Variants in SLC38A6 observed in about 807,000 individuals in gnomAD.
SLC38A6 encodes the protein N system amino acid transporter NAT-1.
In SLC38A6, 73 loss-of-function variants were observed where a neutral mutation model predicts 65.0. The ratio of observed to expected loss-of-function variants is 1.12; its 90% CI spans 0.93 to 1.37. The LOEUF is 1.37. Among genes scored for constraint, SLC38A6 ranks in the 40% most tolerant of loss-of-function variants. SLC38A6 has a pLI of 0.00. For synonymous variants in SLC38A6, 183 were observed against 178.8 expected (o/e 1.02, Z -0.19); for missense variants, 561 against 531.1 (o/e 1.06, Z -0.55).
At chr14:61,012,062 C>T (rs1158924558) in intron 3 of SLC38A6, among the ~76,000 whole-genome samples, 1 of 152,116 alleles carries the variant, frequency 6.6e-6, no homozygotes, top group Admixed American at 6.5e-5. Flanking sequence ...AATTTCAGAG[C>T]CTGTTATTGG....
chr14:61,046,977 G>A (rs148275957), intron 12 of SLC38A6, among the ~76,000 whole-genome samples: 3 of 151,926 alleles, frequency 2.0e-5, no homozygotes, highest in African/African-American at 7.2e-5. Context: ...TTGGATGTTG[G>A]GTTTGTTAGT....
chr14:61,083,548 AG>A (rs1347248937), intron 16 of SLC38A6: 4 of 1,548,298 alleles, frequency 2.6e-6, no homozygotes, highest in Middle Eastern at 1.7e-4. Context: ...TGTTCTTGTA[AG>A]AAAAGGAAGA....
At chr14:61,078,190 G>A (rs2043495525) in intron 15 of SLC38A6, among the ~76,000 whole-genome samples, 1 of 152,192 alleles carries the variant, frequency 6.6e-6, no homozygotes, top group South Asian at 2.1e-4. Context: ...TGAGTAATAT[G>A]AACATTAAAA....
At position 60,984,760 on chromosome 14, in the gene SLC38A6, T is replaced by G. The variant is rs747708193; in HGVS notation, c.267T>G (p.Ala89=). Residue 89 remains alanine (A), a synonymous_variant, in exon 3 of 16, where the codon GCT becomes GCG. Coordinates refer to ENST00000267488, the MANE Select transcript of SLC38A6 (RefSeq NM_153811.3). ...SFLLLTVALL[A]SYSVHLLLSM... is the part of the protein sequence containing the mutation. The stretch of plus-strand genomic sequence containing the variant: ...TGCTGCTGACAGTTGCTCTCCTGGC[T>G]TCTTACTCAGTCCATCTTCTGCTTA... The G allele has an allele frequency of 1.4e-5, 23 of 1,613,930 alleles. No homozygotes were observed. In the South Asian group the frequency reaches 2.3e-4, roughly 16 times the overall value.
chr14:61,075,744 C>G (rs1221943392), intron 15 of SLC38A6, among the ~76,000 whole-genome samples: 1 of 148,668 alleles, frequency 6.7e-6, no homozygotes, highest in East Asian at 2.0e-4. Flanking sequence ...GTTCAGAAAT[C>G]AGGCTCCAAG....
chr14:61,045,481 G>C (rs2042082982), intron 11 of SLC38A6, 56 bp downstream of exon 11: 2 of 1,311,936 alleles, frequency 1.5e-6, no homozygotes, highest in South Asian at 1.2e-5. Flanking sequence ...TACCTCTAAG[G>C]CTTTCGGATT....
At chr14:61,072,449 T>C (rs995215930) in intron 15 of SLC38A6, among the ~76,000 whole-genome samples, 1 of 152,162 alleles carries the variant, frequency 6.6e-6, no homozygotes, top group African/African-American at 2.4e-5. Context: ...CATCCTGTTA[T>C]GCTATCAAAT....
intron 5 of SLC38A6, among the ~76,000 whole-genome samples, chr14:61,020,041 C>G (rs965727700): frequency 1.3e-5 from 2 of 152,082 alleles, no homozygotes; most frequent in African/African-American, 4.8e-5. Context: ...TGGTTTAAAA[C>G]ATAAATAAAT....
chr14:61,044,434 A>G (rs984305945), intron 10 of SLC38A6, among the ~76,000 whole-genome samples: 5 of 152,228 alleles, frequency 3.3e-5, no homozygotes, highest in Admixed American at 1.3e-4. Context: ...TGAGCAATAT[A>G]TGAAATGGAG....
chr14:60,987,990 ATC>A (rs887448507), intron 3 of SLC38A6, among the ~76,000 whole-genome samples: 2 of 152,186 alleles, frequency 1.3e-5, no homozygotes, highest in Admixed American at 1.3e-4. Context: ...TATGGCTGTC[ATC>A]TGTTTCTGAC....
intron 3 of SLC38A6, among the ~76,000 whole-genome samples, chr14:60,992,871 G>C (rs966943585): frequency 6.7e-6 from 1 of 149,208 alleles, no homozygotes; most frequent in Non-Finnish European, 1.5e-5. Context: ...TTTTTTTGAG[G>C]CAGTCTTGCT....
chr14:60,984,625 G>A (rs1368277264), intron 2 of SLC38A6, 105 bp from the exon 3 acceptor site: 1 of 850,934 alleles, frequency 1.2e-6, no homozygotes, highest in Non-Finnish European at 2.0e-6. Flanking sequence ...CTCAGAGATA[G>A]TTCCTGTGAA....
rs777446831 is a variant in SLC38A6 at position 61,043,137 on chromosome 14, A to T, written c.625-10A>T. On this transcript the variant is annotated splice_polypyrimidine_tract_variant and intron_variant, in intron 8 of 15. Transcript: ENST00000267488. ...AATGATCTGAGTGCTGATTCTGTTT[A>T]CTTTTTTAGGTAATAATTAAAAAAT... 6.7e-7 allele frequency: 1 copy of T among 1,490,304 alleles called. No individual in the cohort carries two copies. The allele number at this position is 1,490,304 out of a possible 1,614,324, so 92.3% of individuals were successfully genotyped here. A position where few individuals can be genotyped will look rare whatever the true frequency, so the allele number is the denominator to read the frequency against.
intron 5 of SLC38A6, among the ~76,000 whole-genome samples, chr14:61,027,256 T>C (rs1189028772): frequency 5.3e-5 from 8 of 152,178 alleles, no homozygotes; most frequent in Non-Finnish European, 1.2e-4. Flanking sequence ...TGATTTATAA[T>C]GGCTGAATAC....
chr14:61,010,673 G>A lies in SLC38A6; in HGVS notation c.311-5231G>A, dbSNP rs1025444573. 3.7e-4 allele frequency among the ~76,000 whole-genome samples: 57 copies of A among 152,186 alleles called. 1 individual carries two copies. The highest frequency in any genetic ancestry group is 1.8e-4 in the Non-Finnish European group (12 of 68,036). ...CCCATTTCCTGTTTTTCTCAGGTTT[G>A]TCAAAGTTCAGATAGTTGTAGATAT... On this transcript the variant is annotated intron_variant, in intron 3 of 15. Transcript: ENST00000267488.
intron 6 of SLC38A6, among the ~76,000 whole-genome samples, chr14:61,032,799 T>TA (rs952456337): frequency 1.3e-4 from 20 of 152,032 alleles, no homozygotes; most frequent in African/African-American, 3.9e-4. Context: ...TAGATAGACT[T>TA]ACAGTAGGCA....
chr14:61,005,453 C>A (rs1262801546), intron 3 of SLC38A6, among the ~76,000 whole-genome samples: 1 of 147,534 alleles, frequency 6.8e-6, no homozygotes, highest in Non-Finnish European at 1.5e-5. Context: ...AGCCCAAAAT[C>A]TCCTTAAGCT....
At chr14:60,985,801 C>G (rs539155951) in intron 3 of SLC38A6, among the ~76,000 whole-genome samples, 1 of 152,198 alleles carries the variant, frequency 6.6e-6, no homozygotes, top group African/African-American at 2.4e-5. Flanking sequence ...CTTTTCTGCT[C>G]CATCTGCATC....
rs1241907185 is a variant in SLC38A6, at chr14:61,007,531, AC to A, written c.311-8372del. Among the ~76,000 whole-genome samples the A allele has an allele frequency of 2.0e-5, 3 of 151,890 alleles. 1 individual carries two copies. Among genetic ancestry groups the A allele is most frequent in the Non-Finnish European group, 4.4e-5 (3 of 67,990 alleles). ...TTTGCATGTGCCTGTGGTCCCAGCA[AC>A]TCCAGGGGCTGAGGCAGGAGGATTG... On this transcript the variant is annotated intron_variant, in intron 3 of 15. Coordinates refer to ENST00000267488, the MANE Select transcript of SLC38A6 (RefSeq NM_153811.3).
Sources: allele counts gnomAD v4.1 joint callset (sites outside exome capture counted in the v4.1 genomes callset), GRCh38; gene constraint gnomAD v4.1.1; transcripts MANE v1.5; gene names NCBI Gene and HGNC (gene_info 2026-07-23, HGNC 2026-07-21).